Variants in METRNL observed in about 807,000 individuals in gnomAD.
METRNL encodes the protein meteorin-like protein.
In METRNL, 9 loss-of-function variants were observed where a neutral mutation model predicts 17.4. That is an observed-to-expected ratio of 0.52 (90% CI 0.31 to 0.90). The LOEUF is 0.90. Among genes scored for constraint, METRNL ranks in the 40% least tolerant of loss-of-function variants. METRNL has a pLI of 0.05. For synonymous variants in METRNL, 215 were observed against 199.3 expected, an observed-to-expected ratio of 1.08 and a Z score of -0.66; for missense variants, 408 against 430.7, an observed-to-expected ratio of 0.95 and a Z score of 0.47.
At chr17:83,089,773 A>G (rs910052328) in intron 2 of METRNL, among the ~76,000 whole-genome samples, 1 of 152,148 alleles carries the variant, frequency 6.6e-6, no homozygotes, top group Non-Finnish European at 1.5e-5. Context: ...TCCACCCTGC[A>G]TTCTCCGTGA....
intron 1 of METRNL, among the ~76,000 whole-genome samples, chr17:83,083,869 T>C (rs2038017569): frequency 6.6e-6 from 1 of 152,226 alleles, no homozygotes; most frequent in South Asian, 2.1e-4. Context: ...GGTGAACCTG[T>C]CTGAGATCTG....
chr17:83,083,771 C>T (rs1231313382), intron 1 of METRNL, among the ~76,000 whole-genome samples: 1 of 152,226 alleles, frequency 6.6e-6, no homozygotes, highest in East Asian at 1.9e-4. Flanking sequence ...TGCATTTTCT[C>T]TGCTGCAGAA....
chr17:83,079,732 C>T lies in METRNL; in HGVS notation c.-84C>T. Reference sequence around the variant, plus strand: ...GTGACCACCCGGACTCGAAGCCCGCCCCGCCCCCGCCCGGCTCGCCGGCTC... The same window carrying T: ...GTGACCACCCGGACTCGAAGCCCGCTCCGCCCCCGCCCGGCTCGCCGGCTC... On this transcript the variant is annotated 5_prime_UTR_variant, in exon 1 of 4. Transcript: ENST00000320095. 1.7e-6 allele frequency: 1 copy of T among 589,684 alleles called. No homozygotes were observed. The highest frequency in any genetic ancestry group is 2.1e-6 in the Non-Finnish European group (1 of 472,114). The allele number at this position is 589,684 out of a possible 1,614,324, so 36.5% of individuals were successfully genotyped here.
At chr17:83,091,987 C>T (rs1364141662) in intron 2 of METRNL, among the ~76,000 whole-genome samples, 2 of 152,184 alleles carry the variant, frequency 1.3e-5, no homozygotes, top group Admixed American at 6.5e-5. Context: ...AGTGGCCCGC[C>T]CATCTAAGAA....
intron 2 of METRNL, among the ~76,000 whole-genome samples, chr17:83,085,654 CG>C (rs1450822316): frequency 6.6e-6 from 1 of 152,184 alleles, no homozygotes; most frequent in African/African-American, 2.4e-5. Flanking sequence ...GTGTTTCGGG[CG>C]GCATGGCCTT....
At chr17:83,089,141 C>T (rs1225146887) in intron 2 of METRNL, among the ~76,000 whole-genome samples, 7 of 152,094 alleles carry the variant, frequency 4.6e-5, no homozygotes, top group African/African-American at 7.2e-5. Flanking sequence ...GCGGCCGCAG[C>T]GCGACGGTGA....
At chr17:83,084,713 G>GGAGGGCGT in intron 1 of METRNL, 1 of 582,544 alleles carries the variant, frequency 1.7e-6, no homozygotes, top group Non-Finnish European at 3.0e-6. Flanking sequence ...GGCTCTTGGT[G>GGAGGGCGT]CAGGTGCACT....
Position 83,094,252 on chromosome 17 carries a change from A to C in METRNL, c.617-4A>C. 1 of 1,559,172 alleles carries C rather than the reference A, an allele frequency of 6.4e-7. No homozygotes were observed. The highest frequency in any genetic ancestry group is 1.2e-5 in the South Asian group (1 of 84,260). On this transcript the variant is annotated splice_region_variant and splice_polypyrimidine_tract_variant and intron_variant, in intron 3 of 3. Coordinates refer to ENST00000320095, the MANE Select transcript of METRNL (RefSeq NM_001004431.3). ...TCCCTGTCCCCATCTCCTTCCCCGC[A>C]CAGCCGTTCGAGGCTCCATCCAGCA...
At chr17:83,086,115 A>C (rs2038050383) in intron 2 of METRNL, among the ~76,000 whole-genome samples, 1 of 152,158 alleles carries the variant, frequency 6.6e-6, no homozygotes, top group South Asian at 2.1e-4. Context: ...AGGAGGCATG[A>C]GGTCCTGGGA....
At chr17:83,089,969 G>T (rs527894108) in intron 2 of METRNL, among the ~76,000 whole-genome samples, 1 of 151,912 alleles carries the variant, frequency 6.6e-6, no homozygotes, top group Non-Finnish European at 1.5e-5. Context: ...CCCAGGGCAC[G>T]TGAGGGCAGC....
chr17:83,087,006 T>C (rs2038060176), intron 2 of METRNL, among the ~76,000 whole-genome samples: 1 of 152,108 alleles, frequency 6.6e-6, no homozygotes, highest in African/African-American at 2.4e-5. Context: ...CTGAGCTGCC[T>C]TGGGGTCCTG....
intron 1 of METRNL, chr17:83,080,314 C>T (rs1340962547): frequency 2.0e-5 from 3 of 150,846 alleles, no homozygotes; most frequent in African/African-American, 7.3e-5. Context: ...GGTCGGTCCT[C>T]GGGCCCTTCC....
intron 3 of METRNL, among the ~76,000 whole-genome samples, chr17:83,093,987 CTTGT>C (rs2038171434): frequency 6.6e-6 from 1 of 152,216 alleles, no homozygotes; most frequent in African/African-American, 2.4e-5. Flanking sequence ...ATCAGCTGGA[CTTGT>C]TTGTTCTGTT....
intron 2 of METRNL, among the ~76,000 whole-genome samples, chr17:83,090,998 G>A (rs1414581304): frequency 6.6e-6 from 1 of 152,182 alleles, no homozygotes; most frequent in African/African-American, 2.4e-5. Context: ...CCACACCCCG[G>A]GGCCCCCATA....
Position 83,088,912 on chromosome 17 carries a change from G to A in METRNL, c.556+3589G>A, listed in dbSNP as rs553375938. ...GGAGAGGGGCTGATTTTTCCAAGGC[G>A]TCCCATCTCTCGTCCATCTTTGGCT... On this transcript the variant is annotated intron_variant, in intron 2 of 3. Coordinates refer to ENST00000320095, the MANE Select transcript of METRNL (RefSeq NM_001004431.3). Among the ~76,000 whole-genome samples, 48 of 152,258 alleles carry A rather than the reference G, an allele frequency of 3.2e-4. No individual in the cohort carries two copies. The South Asian group carries it at 4.8e-3, about 15-fold the overall frequency.
At chr17:83,092,805 G>A (rs1455385294) in intron 2 of METRNL, among the ~76,000 whole-genome samples, 2 of 152,180 alleles carry the variant, frequency 1.3e-5, no homozygotes, top group African/African-American at 4.8e-5. Context: ...GATAAGTGGG[G>A]AAAGAGCACA....
chr17:83,084,197 G>C (rs1033369347), intron 1 of METRNL: 3 of 152,134 alleles, frequency 2.0e-5, no homozygotes, highest in Non-Finnish European at 4.4e-5. Flanking sequence ...TACAAATACC[G>C]TCGGCAGTGC....
intron 2 of METRNL, among the ~76,000 whole-genome samples, chr17:83,086,380 G>A (rs1047203272): frequency 2.0e-5 from 3 of 152,222 alleles, no homozygotes; most frequent in African/African-American, 7.2e-5. Flanking sequence ...CTCAGCACCC[G>A]CAGGGCTGGA....
In METRNL at chr17:83,088,767, C is replaced by T. The variant is rs943273447; in HGVS notation, c.556+3444C>T. On this transcript the variant is annotated intron_variant, in intron 2 of 3. Coordinates refer to ENST00000320095, the MANE Select transcript of METRNL (RefSeq NM_001004431.3). ...GTAGGTGAATGACCAGCTCGGCGGGCGCAGAGCCCCTGCCGATGAGCCCCC... is the reference window on the plus strand; with the variant it reads ...GTAGGTGAATGACCAGCTCGGCGGGTGCAGAGCCCCTGCCGATGAGCCCCC... Among the ~76,000 whole-genome samples, 12 of 151,182 alleles carry T rather than the reference C, an allele frequency of 7.9e-5. No individual in the cohort carries two copies. The East Asian group carries it at 1.6e-3, about 20-fold the overall frequency.
Sources: allele counts gnomAD v4.1 joint callset (sites outside exome capture counted in the v4.1 genomes callset), GRCh38; gene constraint gnomAD v4.1.1; transcripts MANE v1.5; gene names NCBI Gene and HGNC (gene_info 2026-07-23, HGNC 2026-07-21).